Variants in CAMTA1 observed in about 807,000 individuals in gnomAD.
CAMTA1 encodes the protein calmodulin-binding transcription activator 1.
A neutral mutation model predicts 170.9 loss-of-function variants in CAMTA1; 27 were observed. The observed-to-expected ratio is 0.16, with a 90% CI of 0.12 to 0.22. CAMTA1 has a LOEUF of 0.22. Among genes scored for constraint, CAMTA1 ranks in the 10% least tolerant of loss-of-function variants. The pLI, the probability that CAMTA1 is intolerant of heterozygous loss-of-function variation, is 1.00. For synonymous variants in CAMTA1, 833 were observed against 891.5 expected (o/e 0.93, Z 1.17); for missense variants, 1,619 against 2,217.2 (o/e 0.73, Z 5.42).
intron 1 of CAMTA1, among the ~76,000 whole-genome samples, chr1:6,804,855 A>C (rs1644336281): frequency 6.6e-6 from 1 of 152,140 alleles, no homozygotes; most frequent in African/African-American, 2.4e-5. Context: ...ACACCTGGCC[A>C]CTTCACTCCT....
At chr1:7,025,609 C>T (rs1305987231) in intron 3 of CAMTA1, among the ~76,000 whole-genome samples, 2 of 152,158 alleles carry the variant, frequency 1.3e-5, no homozygotes, top group African/African-American at 4.8e-5. Context: ...ATAATTCAGA[C>T]ATTCCCTCTC....
chr1:7,131,252 G>A (rs1049519287), intron 4 of CAMTA1, among the ~76,000 whole-genome samples: 7 of 151,968 alleles, frequency 4.6e-5, no homozygotes, highest in African/African-American at 1.7e-4. Context: ...GCGCCCGGCC[G>A]CCTTTTCATT....
chr1:7,196,194 C>G (rs951524144), intron 4 of CAMTA1, among the ~76,000 whole-genome samples: 1 of 151,188 alleles, frequency 6.6e-6, no homozygotes, highest in Non-Finnish European at 1.5e-5. Flanking sequence ...GGCACTTCCC[C>G]CTTAGCTCTC....
chr1:6,915,441 C>T (rs1680574198), intron 3 of CAMTA1, among the ~76,000 whole-genome samples: 1 of 152,130 alleles, frequency 6.6e-6, no homozygotes, highest in Admixed American at 6.5e-5. Context: ...TCTTTTCCTG[C>T]CCAGCTTCCT....
chr1:6,945,281 A>G (rs1469616552), intron 3 of CAMTA1, among the ~76,000 whole-genome samples: 1 of 152,214 alleles, frequency 6.6e-6, no homozygotes, highest in Admixed American at 6.5e-5. Context: ...AGCACAACCA[A>G]TTCTGCAACA....
At chr1:7,649,142 G>A (rs2095830738) in intron 7 of CAMTA1, among the ~76,000 whole-genome samples, 1 of 152,260 alleles carries the variant, frequency 6.6e-6, no homozygotes, top group Non-Finnish European at 1.5e-5. Flanking sequence ...GACTCTAGAA[G>A]TTTCCTTGTT....
At chr1:7,552,877 C>T (rs981407410) in intron 6 of CAMTA1, among the ~76,000 whole-genome samples, 1 of 152,194 alleles carries the variant, frequency 6.6e-6, no homozygotes, top group African/African-American at 2.4e-5. Flanking sequence ...AGCACGGAGC[C>T]GCACGGAGAG....
intron 3 of CAMTA1, among the ~76,000 whole-genome samples, chr1:6,938,682 C>T (rs1357832718): frequency 6.6e-6 from 1 of 152,192 alleles, no homozygotes; most frequent in African/African-American, 2.4e-5. Flanking sequence ...ATACTCTGAT[C>T]TCTCTGTCCT....
At chr1:7,613,505 C>T (rs2095537434) in intron 6 of CAMTA1, among the ~76,000 whole-genome samples, 1 of 152,116 alleles carries the variant, frequency 6.6e-6, no homozygotes, top group South Asian at 2.1e-4. Context: ...TGCACGGAGG[C>T]GCAGAGGCAG....
At chr1:7,571,809 G>A (rs1255356923) in intron 6 of CAMTA1, among the ~76,000 whole-genome samples, 4 of 152,176 alleles carry the variant, frequency 2.6e-5, no homozygotes, top group Admixed American at 2.6e-4. Context: ...ATGCATGCGT[G>A]TGTCTTTATG....
At chr1:7,233,653 G>A (rs564646639) in intron 4 of CAMTA1, among the ~76,000 whole-genome samples, 1 of 152,170 alleles carries the variant, frequency 6.6e-6, no homozygotes. Flanking sequence ...AGCCAGACAT[G>A]CCAAGTCTAA....
chr1:7,274,133 G>A (rs1164192920), intron 5 of CAMTA1, among the ~76,000 whole-genome samples: 1 of 152,072 alleles, frequency 6.6e-6, no homozygotes, highest in East Asian at 1.9e-4. Flanking sequence ...AACTGTAAAT[G>A]GCTTAAGCAT....
chr1:7,621,776 G>T (rs1156595160), intron 6 of CAMTA1, among the ~76,000 whole-genome samples: 6 of 152,168 alleles, frequency 3.9e-5, no homozygotes, highest in Non-Finnish European at 5.9e-5. Flanking sequence ...CAGGTCGGGG[G>T]TGCCAGCAAC....
In CAMTA1 at chr1:7,527,367, G is replaced by A. The variant is rs1192337411; in HGVS notation, c.510+59466G>A. On this transcript the variant is annotated intron_variant, in intron 6 of 22. Transcript: ENST00000303635. Reference sequence around the variant, plus strand: ...CTCCCAGACGATCCACCCCTGGAGAGTCATCCCTGGGCTAGAAAGAGAAAG... The same window carrying A: ...CTCCCAGACGATCCACCCCTGGAGAATCATCCCTGGGCTAGAAAGAGAAAG... Among the ~76,000 whole-genome samples, 3 of 152,200 alleles carry A rather than the reference G, an allele frequency of 2.0e-5. No individual in the cohort carries two copies. The South Asian group carries it at 6.2e-4, about 31-fold the overall frequency.
chr1:7,108,356 T>G (rs550689679), intron 4 of CAMTA1, among the ~76,000 whole-genome samples: 1 of 152,110 alleles, frequency 6.6e-6, no homozygotes, highest in Non-Finnish European at 1.5e-5. Context: ...GTTAAGAACT[T>G]AGGGCTTAGT....
At chr1:7,489,002 G>A (rs2093662579) in intron 6 of CAMTA1, among the ~76,000 whole-genome samples, 1 of 152,100 alleles carries the variant, frequency 6.6e-6, no homozygotes, top group Non-Finnish European at 1.5e-5. Flanking sequence ...CACCCCCAGC[G>A]CCACATGGGC....
chr1:7,107,464 G>A (rs1167974119), intron 4 of CAMTA1, among the ~76,000 whole-genome samples: 4 of 152,106 alleles, frequency 2.6e-5, no homozygotes, highest in Admixed American at 6.5e-5. Context: ...TGATAGGGTC[G>A]GGAGAGACAA....
Position 7,310,671 on chromosome 1 carries a change from CCTTTCTT to C in CAMTA1, c.438+61046_438+61052del, listed in dbSNP as rs1436186721. Among the ~76,000 whole-genome samples, 162 of 33,202 alleles carry C rather than the reference CCTTTCTT, an allele frequency of 4.9e-3. 5 individuals are homozygous for C. The highest frequency in any genetic ancestry group is 9.2e-3 in the African/African-American group (59 of 6,428). The allele number at this position is 33,202 out of a possible 152,430, so 21.8% of individuals were successfully genotyped here. On this transcript the variant is annotated intron_variant, in intron 5 of 22. Transcript: ENST00000303635. ...TTTTTCTTTCTTTCTTTCTTTCTTT[CCTTTCTT>C]TCTCTCTCTCTCTCTCTCTCTCTCT...
chr1:7,621,416 C>T (rs1035694519), intron 6 of CAMTA1, among the ~76,000 whole-genome samples: 9 of 152,340 alleles, frequency 5.9e-5, no homozygotes, highest in Admixed American at 3.9e-4. Flanking sequence ...CCCCTTGGCT[C>T]CTGAGACATT....
Sources: gnomAD v4.1 joint callset for allele counts (sites outside exome capture counted in the v4.1 genomes callset) on GRCh38, gnomAD v4.1.1 for gene constraint, MANE v1.5 for transcripts, NCBI Gene and HGNC (gene_info 2026-07-23, HGNC 2026-07-21) for gene names.